RBFOX1: variants seen among roughly 807,000 people sequenced by gnomAD.
RBFOX1 encodes RNA binding fox-1 homolog 1.
In RBFOX1, 8 loss-of-function variants were observed where a neutral mutation model predicts 57.7. The ratio of observed to expected loss-of-function variants is 0.14; its 90% CI spans 0.08 to 0.25. The LOEUF (loss-of-function observed/expected upper bound fraction) is 0.25, where lower values mean the gene tolerates loss of function less well. Ranked by LOEUF, RBFOX1 falls within the 10% of genes least tolerant of loss-of-function variation. The pLI is 1.00. For synonymous variants in RBFOX1, 326 were observed against 222.4 expected (o/e 1.47, Z -4.15); for missense variants, 611 against 548.5 (o/e 1.11, Z -1.14).
intron 3 of RBFOX1, among the ~76,000 whole-genome samples, chr16:5,695,554 T>C (rs963870703): frequency 1.3e-5 from 2 of 152,172 alleles, no homozygotes; most frequent in Non-Finnish European, 2.9e-5. Context: ...TCAAAATAAT[T>C]GGTCAATCTT....
chr16:7,373,744 C>T (rs1006693741), intron 4 of RBFOX1, among the ~76,000 whole-genome samples: 2 of 152,210 alleles, frequency 1.3e-5, no homozygotes, highest in African/African-American at 4.8e-5. Flanking sequence ...GGGCCCAGCT[C>T]TTTGCGCTGA....
At position 6,064,027 on chromosome 16, in the gene RBFOX1, A is replaced by G. The variant is rs2095725057; in HGVS notation, c.-127+44035A>G. ...ACCCTCTAATGTATTATTTTATATT[A>G]CATATCTTGGTGCATTTCCCTATAT... On this transcript the variant is annotated intron_variant, in intron 1 of 15. Transcript: ENST00000550418. 2.0e-5 allele frequency among the ~76,000 whole-genome samples: 3 copies of G among 152,206 alleles called. No individual in the cohort carries two copies. The South Asian group carries it at 6.2e-4, about 31-fold the overall frequency.
At chr16:6,503,736 A>C (rs1411631334) in intron 2 of RBFOX1, among the ~76,000 whole-genome samples, 3 of 152,156 alleles carry the variant, frequency 2.0e-5, no homozygotes, top group Non-Finnish European at 4.4e-5. Context: ...TACTGGACCA[A>C]ATCAAGACAC....
At chr16:6,814,522 A>G (rs2089600435) in intron 3 of RBFOX1, among the ~76,000 whole-genome samples, 1 of 152,178 alleles carries the variant, frequency 6.6e-6, no homozygotes, top group Non-Finnish European at 1.5e-5. Flanking sequence ...GATCAAATTA[A>G]TAATGACAAT....
intron 1 of RBFOX1, among the ~76,000 whole-genome samples, chr16:5,257,943 A>T (rs1243265939): frequency 6.6e-5 from 10 of 152,090 alleles, no homozygotes. Context: ...CAGTGGTGTG[A>T]CCTTGGCTCA....
At chr16:7,084,940 A>C (rs112552900) in intron 4 of RBFOX1, among the ~76,000 whole-genome samples, 3,018 of 152,162 alleles carry the variant, frequency 0.02, 39 homozygotes, top group Non-Finnish European at 0.032. Context: ...CCATCCATGC[A>C]TCTATTCATC....
At chr16:6,547,487 A>C (rs1340230479) in intron 2 of RBFOX1, among the ~76,000 whole-genome samples, 3 of 152,206 alleles carry the variant, frequency 2.0e-5, no homozygotes, top group Non-Finnish European at 2.9e-5. Context: ...AATTGCTGAT[A>C]ACAGAACAGA....
Position 6,635,208 on chromosome 16 carries a change from T to G in RBFOX1, c.-63-19395T>G, listed in dbSNP as rs575983496. Among the ~76,000 whole-genome samples, 37 of 149,600 alleles carry G rather than the reference T, an allele frequency of 2.5e-4. 1 individual carries two copies. The South Asian group carries it at 7.5e-3, about 30-fold the overall frequency. On this transcript the variant is annotated intron_variant, in intron 2 of 15. Coordinates refer to ENST00000550418, the MANE Select transcript of RBFOX1 (RefSeq NM_018723.4). ...ATATATTACATAATATGTACATATT[T>G]TTAATTTAAAATATATAATACTTTC...
At chr16:6,483,941 G>A in intron 2 of RBFOX1, 2 of 1,062,596 alleles carry the variant, frequency 1.9e-6, no homozygotes, top group East Asian at 7.4e-5. Flanking sequence ...CCAGCTCCGG[G>A]GACCTCGGAG....
chr16:6,150,102 G>C (rs2096787147), intron 1 of RBFOX1, among the ~76,000 whole-genome samples: 1 of 152,180 alleles, frequency 6.6e-6, no homozygotes, highest in Non-Finnish European at 1.5e-5. Flanking sequence ...GAAAAATCAT[G>C]GCTTTTGGTC....
chr16:7,436,337 G>C (rs2098721033), intron 4 of RBFOX1, among the ~76,000 whole-genome samples: 1 of 152,152 alleles, frequency 6.6e-6, no homozygotes, highest in Non-Finnish European at 1.5e-5. Flanking sequence ...TACTGTGGTA[G>C]GCAAACTTGG....
intron 3 of RBFOX1, among the ~76,000 whole-genome samples, chr16:6,810,249 C>A (rs1297521166): frequency 6.6e-6 from 1 of 152,068 alleles, no homozygotes; most frequent in East Asian, 1.9e-4. Flanking sequence ...TGGAGAAATT[C>A]ACTTTTTACC....
At chr16:7,547,801 G>A (rs2085026065) in intron 5 of RBFOX1, among the ~76,000 whole-genome samples, 1 of 152,216 alleles carries the variant, frequency 6.6e-6, no homozygotes, top group South Asian at 2.1e-4. Flanking sequence ...CTAGCATGAA[G>A]GTGAAACCTG....
At chr16:7,009,369 AGAAG>A (rs2093535657) in intron 3 of RBFOX1, among the ~76,000 whole-genome samples, 1 of 151,214 alleles carries the variant, frequency 6.6e-6, no homozygotes, top group Non-Finnish European at 1.5e-5. Context: ...TCTTGGAATT[AGAAG>A]CACCTTAAAA....
At chr16:6,894,319 C>G (rs776441644) in intron 3 of RBFOX1, among the ~76,000 whole-genome samples, 1 of 152,130 alleles carries the variant, frequency 6.6e-6, no homozygotes, top group Non-Finnish European at 1.5e-5. Flanking sequence ...TTTGAAATCC[C>G]CCAGATAGCT....
intron 3 of RBFOX1, among the ~76,000 whole-genome samples, chr16:7,041,632 A>G (rs1568494057): frequency 2.0e-5 from 3 of 152,144 alleles, no homozygotes; most frequent in Admixed American, 2.0e-4. Flanking sequence ...GTCAGTACCA[A>G]TTTACCACCC....
chr16:5,744,147 G>C (rs1000168632), intron 3 of RBFOX1, among the ~76,000 whole-genome samples: 3 of 151,976 alleles, frequency 2.0e-5, no homozygotes, highest in Non-Finnish European at 4.4e-5. Context: ...CCTTGTCTTT[G>C]CTTGTGCTAT....
intron 4 of RBFOX1, among the ~76,000 whole-genome samples, chr16:7,421,655 C>T (rs2098543768): frequency 6.6e-6 from 1 of 152,236 alleles, no homozygotes; most frequent in African/African-American, 2.4e-5. Flanking sequence ...CAGGCTTACT[C>T]AGTGCTTACT....
chr16:7,133,511 C>G (rs1024186873), intron 4 of RBFOX1, among the ~76,000 whole-genome samples: 2 of 152,066 alleles, frequency 1.3e-5, no homozygotes, highest in African/African-American at 4.8e-5. Flanking sequence ...TTGCAACCAA[C>G]AGAGAATCAA....
Sources: allele counts gnomAD v4.1 joint callset (sites outside exome capture counted in the v4.1 genomes callset), GRCh38; gene constraint gnomAD v4.1.1; transcripts MANE v1.5; gene names NCBI Gene and HGNC (gene_info 2026-07-23, HGNC 2026-07-21).